Variants in C22orf31 observed in about 807,000 individuals in gnomAD.
C22orf31 encodes chromosome 22 open reading frame 31, also known as uncharacterized protein C22orf31.
Under a neutral mutation model 15.0 loss-of-function variants are expected in C22orf31, and 11 were observed. That is an observed-to-expected ratio of 0.73 (90% CI 0.46 to 1.21). C22orf31 has a LOEUF of 1.21. Among genes scored for constraint, C22orf31 ranks in the 50% most tolerant of loss-of-function variants. The pLI is 0.00. For missense variants in C22orf31, 340 were observed against 347.2 expected, an observed-to-expected ratio of 0.98 and a Z score of 0.17; for synonymous variants, 132 against 133.3, an observed-to-expected ratio of 0.99 and a Z score of 0.07.
chr22:29,060,260 T>C (rs1304741983), intron 2 of C22orf31, among the ~76,000 whole-genome samples, 155 bp downstream of exon 2: 1 of 151,050 alleles, frequency 6.6e-6, no homozygotes, highest in East Asian at 2.0e-4. Flanking sequence ...TTGAACTCTC[T>C]GAGCTCAAGT....
the C22orf31 span, chr22:29,073,003 G>GCGGGGCGGCCGGGCGGC: frequency 6.4e-6 from 1 of 155,810 alleles, no homozygotes; most frequent in South Asian, 1.8e-4. This position sits in a 1 kb window ranked among gnomAD's most constrained non-coding sequence, Gnocchi z 4.4. Context: ...GCGGGCCGGG[G>GCGGGGCGGCCGGGCGGC]CGGGGCGGCC....
upstream of C22orf31, among the ~76,000 whole-genome samples, chr22:29,062,777 G>C (rs1275317789): frequency 6.6e-6 from 1 of 152,160 alleles, no homozygotes; most frequent in Non-Finnish European, 1.5e-5. Flanking sequence ...GCCTATGGCA[G>C]CTGGACCCAC....
chr22:29,059,894 G>A (rs2037365079), intron 2 of C22orf31: 17 of 985,112 alleles, frequency 1.7e-5, no homozygotes, highest in Non-Finnish European at 2.0e-5. Flanking sequence ...TAAGCATAGT[G>A]TAAATGATAA....
At chr22:29,071,030 G>A in the C22orf31 span, among the ~76,000 whole-genome samples, 1 of 152,222 alleles carries the variant, frequency 6.6e-6, no homozygotes, top group South Asian at 2.1e-4. Flanking sequence ...CTCTTCAAAG[G>A]CACTGCTGTC....
At position 29,059,990 on chromosome 22, in the gene C22orf31, C is replaced by T. The variant is rs942441907; in HGVS notation, c.432+425G>A. On this transcript the variant is annotated intron_variant, in intron 2 of 2. Coordinates refer to ENST00000216071, the MANE Select transcript of C22orf31 (RefSeq NM_015370.2). ...CATTCTGTCTTCAACTTTAGGATTTCCTTCACTTGGTATAGATCTTTTTTT... is the reference window on the plus strand; with the variant it reads ...CATTCTGTCTTCAACTTTAGGATTTTCTTCACTTGGTATAGATCTTTTTTT... 22 of 962,178 alleles carry T rather than the reference C, an allele frequency of 2.3e-5. No homozygotes were observed. The African/African-American group carries it at 3.4e-4, about 15-fold the overall frequency. The allele number at this position is 962,178 out of a possible 1,614,324, so 59.6% of individuals were successfully genotyped here.
At chr22:29,072,945 G>A in the C22orf31 span, 1 of 150,864 alleles carries the variant, frequency 6.6e-6, no homozygotes, top group East Asian at 2.0e-4. Flanking sequence ...CCTCTCCGCG[G>A]ATCCGGGCGG....
chr22:29,062,463 G>A (rs1271862175), upstream of C22orf31, among the ~76,000 whole-genome samples: 1 of 152,150 alleles, frequency 6.6e-6, no homozygotes, highest in Non-Finnish European at 1.5e-5. Context: ...AATTAGAGCT[G>A]TTAGCAGTGT....
the C22orf31 span, among the ~76,000 whole-genome samples, chr22:29,070,112 A>AT: frequency 6.6e-6 from 1 of 151,844 alleles, no homozygotes; most frequent in Non-Finnish European, 1.5e-5. Context: ...AGCCCGGATA[A>AT]TTTTTTGTGT....
chr22:29,069,037 C>T, the C22orf31 span, among the ~76,000 whole-genome samples: 3 of 152,120 alleles, frequency 2.0e-5, no homozygotes, highest in Non-Finnish European at 4.4e-5. Context: ...GCTGGGATTA[C>T]AGGTGTGAGC....
upstream of C22orf31, among the ~76,000 whole-genome samples, chr22:29,062,788 A>G (rs2037404281): frequency 6.6e-6 from 1 of 152,116 alleles, no homozygotes; most frequent in African/African-American, 2.4e-5. Context: ...CTGGACCCAC[A>G]GACAGTTGAG....
the C22orf31 span, among the ~76,000 whole-genome samples, chr22:29,073,625 C>T: frequency 5.3e-5 from 8 of 151,868 alleles, no homozygotes; most frequent in African/African-American, 7.3e-5. This position sits in a 1 kb window ranked among gnomAD's most constrained non-coding sequence, Gnocchi z 4.4. Context: ...CGCCCCCTCT[C>T]CCCGGTACCT....
At chr22:29,059,822 C>T in intron 2 of C22orf31, 1 of 985,260 alleles carries the variant, frequency 1.0e-6, no homozygotes, top group Non-Finnish European at 1.2e-6. Context: ...TTCCTTCTCA[C>T]CCTTATTTTT....
chr22:29,060,824 C>T lies in C22orf31; in HGVS notation c.23G>A (p.Arg8Gln), dbSNP rs755570822. The change falls in exon 2 of 3, where the codon CGA (arginine) becomes CAA (glutamine). Residue 8 changes from arginine to glutamine, a missense_variant. Coordinates refer to ENST00000216071, the MANE Select transcript of C22orf31 (RefSeq NM_015370.2). MHPINVR[R>Q]DPSIPIYGLR... Reference sequence around the variant, plus strand: ...TCCATAGATAGGGATGCTGGGGTCTCGTCTCACATTGATTGGGTGCTAGAA... The same window carrying T: ...TCCATAGATAGGGATGCTGGGGTCTTGTCTCACATTGATTGGGTGCTAGAA... The T allele has an allele frequency of 1.7e-4, 274 of 1,613,192 alleles. No individual in the cohort carries two copies. Among genetic ancestry groups the T allele is most frequent in the Non-Finnish European group, 2.0e-4 (232 of 1,179,478 alleles).
At chr22:29,062,206 A>G (rs2037398084), upstream of C22orf31, among the ~76,000 whole-genome samples, 1 of 152,180 alleles carries the variant, frequency 6.6e-6, no homozygotes, top group Non-Finnish European at 1.5e-5. Flanking sequence ...CAGGAAATGT[A>G]GTCAAATATG....
rs765790267 is a variant in C22orf31 at position 29,059,228 on chromosome 22, G to T, written c.433-46C>A. ...GAAGTCAAAGCTAAAACTTGAGAGGGGAGCTCAGAATAATTATCTGGGATT... is the reference window on the plus strand; with the variant it reads ...GAAGTCAAAGCTAAAACTTGAGAGGTGAGCTCAGAATAATTATCTGGGATT... On this transcript the variant is annotated intron_variant, in intron 2 of 2. Transcript: ENST00000216071. 3 of 1,381,162 alleles carry T rather than the reference G, an allele frequency of 2.2e-6. No homozygotes were observed. The South Asian group carries it at 4.0e-5, about 18-fold the overall frequency. 85.6% of individuals were successfully genotyped at this position (1,381,162 alleles called of 1,614,324 possible). A position where few individuals can be genotyped will look rare whatever the true frequency, so the allele number is the denominator to read the frequency against.
At chr22:29,073,163 C>A in the C22orf31 span, 1 of 1,160,344 alleles carries the variant, frequency 8.6e-7, no homozygotes, top group South Asian at 3.6e-5. This position sits in a 1 kb window ranked among gnomAD's most constrained non-coding sequence, Gnocchi z 4.4. Flanking sequence ...TCGCCCTGCT[C>A]TCCGCCGCGG....
chr22:29,065,279 T>G (rs569305582), upstream of C22orf31, among the ~76,000 whole-genome samples: 1 of 152,266 alleles, frequency 6.6e-6, no homozygotes, highest in South Asian at 2.1e-4. Context: ...TTCATGTACA[T>G]CAATCTGGTT....
chr22:29,059,635 T>C (rs1219918021), intron 2 of C22orf31: 1 of 959,322 alleles, frequency 1.0e-6, no homozygotes, highest in African/African-American at 1.8e-5. Context: ...ACAGTCCGAG[T>C]TGGGATTTGA....
intron 1 of C22orf31, 59 bp from the exon 2 acceptor site, chr22:29,060,902 A>G (rs2037384650): frequency 2.8e-6 from 4 of 1,440,498 alleles, no homozygotes; most frequent in East Asian, 4.6e-5. Context: ...GCAGAGAATA[A>G]AAGGTCTACT....
Sources: gnomAD v4.1 joint callset for allele counts (sites outside exome capture counted in the v4.1 genomes callset) on GRCh38, gnomAD v4.1.1 for gene constraint, Gnocchi (gnomAD v3.1) non-coding constraint, MANE v1.5 for transcripts, NCBI Gene and HGNC (gene_info 2026-07-23, HGNC 2026-07-21) for gene names.